The following EPB41L3 variants were observed in gnomAD, a reference collection of about 807,000 sequenced individuals.
EPB41L3 encodes the protein band 4.1-like protein 3.
Under a neutral mutation model 127.1 loss-of-function variants are expected in EPB41L3, and 57 were observed. That is an observed-to-expected ratio of 0.45 (90% CI 0.36 to 0.56). The LOEUF (loss-of-function observed/expected upper bound fraction) is 0.56. EPB41L3 is among the 20% of genes least tolerant of loss of function. EPB41L3 has a pLI of 0.00. For synonymous variants in EPB41L3, 572 were observed against 549.5 expected (o/e 1.04, Z -0.57); for missense variants, 1,273 against 1,372.2 (o/e 0.93, Z 1.14).
At chr18:5,482,702 C>G (rs566822661) in intron 2 of EPB41L3, among the ~76,000 whole-genome samples, 117 of 152,186 alleles carry the variant, frequency 7.7e-4, no homozygotes, top group African/African-American at 2.6e-3. Flanking sequence ...AGTGGACTGA[C>G]ATTTTTAAAG....
chr18:5,407,217 A>G (rs1214709966), intron 15 of EPB41L3: 23 of 528,838 alleles, frequency 4.3e-5, no homozygotes, highest in Non-Finnish European at 7.1e-5. Flanking sequence ...GCAAACTATA[A>G]AGAGTACAAT....
chr18:5,615,342 C>T (rs2094781183), intron 1 of EPB41L3, among the ~76,000 whole-genome samples: 1 of 152,088 alleles, frequency 6.6e-6, no homozygotes, highest in Non-Finnish European at 1.5e-5. Flanking sequence ...GTGACTCACC[C>T]TCTGTGAACC....
intron 3 of EPB41L3, among the ~76,000 whole-genome samples, chr18:5,609,367 A>G (rs1190979300): frequency 1.3e-5 from 2 of 152,212 alleles, no homozygotes; most frequent in Non-Finnish European, 2.9e-5. Flanking sequence ...CTAGAAAAAT[A>G]TGTATTGAAA....
intron 3 of EPB41L3, among the ~76,000 whole-genome samples, chr18:5,477,898 CA>C (rs1397828188): frequency 4.0e-5 from 6 of 151,802 alleles, no homozygotes; most frequent in Admixed American, 2.0e-4. Context: ...ATAAATTATG[CA>C]AAAAAGGATA....
chr18:5,490,329 C>G (rs2090434553), intron 1 of EPB41L3, among the ~76,000 whole-genome samples: 1 of 152,128 alleles, frequency 6.6e-6, no homozygotes, highest in Admixed American at 6.5e-5. Context: ...TAGTGTAGTG[C>G]TTTAGGCAAA....
intron 5 of EPB41L3, among the ~76,000 whole-genome samples, chr18:5,440,490 A>G (rs940023946): frequency 8.5e-5 from 13 of 152,194 alleles, no homozygotes; most frequent in Non-Finnish European, 4.4e-5. Flanking sequence ...TACGCAATAA[A>G]TAAGTTTGCA....
intron 3 of EPB41L3, among the ~76,000 whole-genome samples, chr18:5,556,078 T>G (rs193178083): frequency 2.7e-3 from 418 of 152,250 alleles, no homozygotes; most frequent in African/African-American, 9.6e-3. Flanking sequence ...CACCACTGTG[T>G]CCCCAACCTG....
At chr18:5,537,277 C>T (rs1340801924) in intron 1 of EPB41L3, among the ~76,000 whole-genome samples, 3 of 152,104 alleles carry the variant, frequency 2.0e-5, no homozygotes, top group Admixed American at 6.5e-5. Flanking sequence ...TCTCAAATAA[C>T]TGAGATACAT....
chr18:5,549,622 A>G (rs537989177), intron 3 of EPB41L3, among the ~76,000 whole-genome samples: 1 of 152,338 alleles, frequency 6.6e-6, no homozygotes, highest in Admixed American at 6.5e-5. Flanking sequence ...TGATATCAGA[A>G]TCATTCAAAG....
intron 3 of EPB41L3, among the ~76,000 whole-genome samples, chr18:5,561,529 A>C (rs1002242661): frequency 3.3e-5 from 5 of 152,202 alleles, no homozygotes; most frequent in Admixed American, 6.5e-5. Flanking sequence ...GAACCAAAAA[A>C]TAAAAGGAGG....
At chr18:5,447,602 C>A (rs1046557690) in intron 3 of EPB41L3, among the ~76,000 whole-genome samples, 1 of 152,096 alleles carries the variant, frequency 6.6e-6, no homozygotes, top group Admixed American at 6.5e-5. Context: ...GGACCCTATG[C>A]CTCCTACATT....
chr18:5,490,509 T>G (rs1209962713), intron 1 of EPB41L3, among the ~76,000 whole-genome samples: 1 of 152,206 alleles, frequency 6.6e-6, no homozygotes, highest in Non-Finnish European at 1.5e-5. Flanking sequence ...CTATTTAGGG[T>G]TACTTTCACA....
chr18:5,396,682 G>A (rs2073551660), intron 18 of EPB41L3, among the ~76,000 whole-genome samples: 1 of 152,136 alleles, frequency 6.6e-6, no homozygotes, highest in Non-Finnish European at 1.5e-5. Context: ...TGGCATTTAG[G>A]ACCCGGGTAA....
At chr18:5,502,410 C>A (rs1168399027) in intron 1 of EPB41L3, among the ~76,000 whole-genome samples, 2 of 152,046 alleles carry the variant, frequency 1.3e-5, no homozygotes, top group Non-Finnish European at 2.9e-5. Context: ...GCAAACCCTG[C>A]TTCACTTTGT....
intron 1 of EPB41L3, among the ~76,000 whole-genome samples, chr18:5,523,641 C>A (rs1321409156): frequency 6.6e-6 from 1 of 151,934 alleles, no homozygotes; most frequent in Non-Finnish European, 1.5e-5. Context: ...CAAAATTAGC[C>A]AGGCATGGTG....
rs1046667588 is a variant in EPB41L3, at chr18:5,441,599, G to A, written c.529+2239C>T. ...TCCTGCCTCAGCCTCCCGAGTAGCT[G>A]GGACTACAGGCGCACGCCACCATGC... On this transcript the variant is annotated intron_variant, in intron 5 of 22. Coordinates refer to ENST00000341928, the MANE Select transcript of EPB41L3 (RefSeq NM_012307.5). 5.5e-4 allele frequency among the ~76,000 whole-genome samples: 83 copies of A among 151,986 alleles called. 1 individual carries two copies. Among genetic ancestry groups the A allele is most frequent in the Non-Finnish European group, 1.1e-3 (76 of 68,010 alleles).
intron 8 of EPB41L3, among the ~76,000 whole-genome samples, chr18:5,431,926 G>T (rs1428865325): frequency 6.6e-6 from 1 of 152,204 alleles, no homozygotes; most frequent in East Asian, 1.9e-4. Context: ...TAATGAACTG[G>T]CAAGTAAACA....
chr18:5,478,286 G>A lies in EPB41L3; in HGVS notation c.336C>T (p.Cys112=), dbSNP rs1479592447. The change falls in exon 3 of 23, where the codon TGC becomes TGT. Residue 112 remains cysteine (C), a synonymous_variant. Coordinates refer to ENST00000341928, the MANE Select transcript of EPB41L3 (RefSeq NM_012307.5). ...KIVKKPKSMQ[C]KVILLDGSEY... ...CTGATCCATCGAGAAGTATCACTTTGCACTGCATGCTTTTAGGCTTTTTGA... is the reference window on the plus strand; with the variant it reads ...CTGATCCATCGAGAAGTATCACTTTACACTGCATGCTTTTAGGCTTTTTGA... The A allele has an allele frequency of 6.2e-7, 1 of 1,614,102 alleles. No individual in the cohort carries two copies. The highest frequency in any genetic ancestry group is 8.5e-7 in the Non-Finnish European group (1 of 1,180,008).
intron 20 of EPB41L3, 97 bp from the exon 21 acceptor site, chr18:5,395,244 C>T (rs997923547): frequency 6.8e-6 from 7 of 1,022,988 alleles, no homozygotes; most frequent in Non-Finnish European, 1.1e-5. Flanking sequence ...ACATCATTCA[C>T]TCTTCGAGAA....
Sources: allele counts gnomAD v4.1 joint callset (sites outside exome capture counted in the v4.1 genomes callset), GRCh38; gene constraint gnomAD v4.1.1; transcripts MANE v1.5; gene names NCBI Gene and HGNC (gene_info 2026-07-23, HGNC 2026-07-21).